ALK: variants seen among roughly 807,000 people sequenced by gnomAD.
ALK encodes ALK receptor tyrosine kinase.
A neutral mutation model predicts 163.1 loss-of-function variants in ALK; 74 were observed. That is an observed-to-expected ratio of 0.45 (90% CI 0.38 to 0.55). ALK has a LOEUF of 0.55. ALK is among the 20% of genes least tolerant of loss of function. The pLI, the probability that ALK is intolerant of heterozygous loss-of-function variation, is 0.00. For missense variants in ALK, 2,063 were observed against 2,105.3 expected, an observed-to-expected ratio of 0.98 and a Z score of 0.39; for synonymous variants, 960 against 843.2, an observed-to-expected ratio of 1.14 and a Z score of -2.40.
intron 2 of ALK, among the ~76,000 whole-genome samples, chr2:29,710,972 A>G (rs1335300415): frequency 6.6e-6 from 1 of 152,102 alleles, no homozygotes; most frequent in Non-Finnish European, 1.5e-5. Context: ...TCCTCCCTCT[A>G]GATGTCTTGG....
chr2:29,791,866 C>T (rs1421257604), intron 1 of ALK, among the ~76,000 whole-genome samples: 1 of 152,110 alleles, frequency 6.6e-6, no homozygotes, highest in Non-Finnish European at 1.5e-5. Context: ...GAATTTGAAA[C>T]ATTGCATTTC....
chr2:29,576,723 C>T (rs761790695), intron 3 of ALK, among the ~76,000 whole-genome samples: 8 of 152,172 alleles, frequency 5.3e-5, no homozygotes, highest in Non-Finnish European at 7.3e-5. Context: ...ACCGCCTGAG[C>T]TCCACCTCCT....
intron 3 of ALK, among the ~76,000 whole-genome samples, chr2:29,636,094 G>A (rs1216472979): frequency 6.6e-6 from 1 of 152,176 alleles, no homozygotes; most frequent in East Asian, 1.9e-4. Flanking sequence ...AATAAAGTGG[G>A]AAGAATTGCT....
chr2:29,545,881 G>A (rs1023467708), intron 3 of ALK, among the ~76,000 whole-genome samples: 4 of 152,118 alleles, frequency 2.6e-5, no homozygotes, highest in Admixed American at 2.6e-4. Flanking sequence ...GTTAGTTGTA[G>A]CCTAGAAGTA....
At chr2:29,376,080 A>G (rs1447324848) in intron 5 of ALK, among the ~76,000 whole-genome samples, 3 of 152,060 alleles carry the variant, frequency 2.0e-5, no homozygotes, top group Non-Finnish European at 2.9e-5. Context: ...GTCAGCCCCA[A>G]GATAACCTCT....
intron 1 of ALK, among the ~76,000 whole-genome samples, chr2:29,863,301 C>A (rs957607021): frequency 1.3e-5 from 2 of 152,118 alleles, no homozygotes; most frequent in African/African-American, 2.4e-5. Flanking sequence ...TGCTTCTACA[C>A]AGTGAAAGAA....
chr2:29,652,953 A>G (rs896550056), intron 3 of ALK, among the ~76,000 whole-genome samples: 1 of 152,110 alleles, frequency 6.6e-6, no homozygotes, highest in Non-Finnish European at 1.5e-5. Flanking sequence ...AATTAATCAA[A>G]CCCAAAGTGG....
chr2:29,464,171 C>T (rs903617629), intron 4 of ALK, among the ~76,000 whole-genome samples: 1 of 152,024 alleles, frequency 6.6e-6, no homozygotes, highest in African/African-American at 2.4e-5. Context: ...CAAAAGTTAC[C>T]AGGCATTCAA....
intron 12 of ALK, among the ~76,000 whole-genome samples, chr2:29,250,698 G>A (rs1664793354): frequency 6.6e-6 from 1 of 152,232 alleles, no homozygotes; most frequent in Non-Finnish European, 1.5e-5. Flanking sequence ...GAAGGCCCAG[G>A]AAAGGAGGCG....
chr2:29,691,003 T>C (rs541350390), intron 3 of ALK, among the ~76,000 whole-genome samples: 10 of 152,296 alleles, frequency 6.6e-5, no homozygotes, highest in Admixed American at 4.6e-4. Context: ...GATTGGAATA[T>C]AGGACACTGC....
intron 1 of ALK, among the ~76,000 whole-genome samples, chr2:29,815,190 GTTCTTAGGCT>G (rs1424867776): frequency 5.3e-5 from 8 of 151,598 alleles, no homozygotes; most frequent in African/African-American, 9.7e-5. Flanking sequence ...CATTGGATAA[GTTCTTAGGCT>G]TTCTTAGGCT....
At chr2:29,717,753 C>G (rs1037684854) in intron 1 of ALK, 56 bp from the exon 2 acceptor site, 11 of 1,611,952 alleles carry the variant, frequency 6.8e-6, no homozygotes, top group Non-Finnish European at 8.5e-6. Context: ...TGTCTTTTAG[C>G]TGTCACTCAA....
At chr2:29,873,237 T>C (rs1666621646) in intron 1 of ALK, among the ~76,000 whole-genome samples, 1 of 152,190 alleles carries the variant, frequency 6.6e-6, no homozygotes, top group Non-Finnish European at 1.5e-5. Context: ...TGATAAAAAG[T>C]CTAGAATTTG....
chr2:29,629,728 A>G (rs1305233963), intron 3 of ALK, among the ~76,000 whole-genome samples: 1 of 152,158 alleles, frequency 6.6e-6, no homozygotes, highest in Non-Finnish European at 1.5e-5. Flanking sequence ...AGCCCTTTAT[A>G]TACATGATCT....
chr2:29,881,982 T>G (rs1484807903), intron 1 of ALK, among the ~76,000 whole-genome samples: 1 of 152,112 alleles, frequency 6.6e-6, no homozygotes, highest in East Asian at 1.9e-4. Flanking sequence ...GGCTCTGCCC[T>G]TCTGATCTGA....
At chr2:29,661,359 C>A (rs1304242033) in intron 3 of ALK, among the ~76,000 whole-genome samples, 2 of 152,118 alleles carry the variant, frequency 1.3e-5, no homozygotes, top group Non-Finnish European at 2.9e-5. Context: ...ATGAGAGAGG[C>A]ATTGCCATTT....
rs190866849 is a variant in ALK at position 29,452,290 on chromosome 2, G to C, written c.1155-68431C>G. 1.8e-3 allele frequency among the ~76,000 whole-genome samples: 278 copies of C among 151,638 alleles called. 1 individual carries two copies. Among genetic ancestry groups the C allele is most frequent in the African/African-American group, 6.2e-3 (257 of 41,324 alleles). Reference sequence around the variant, plus strand: ...CAAGGCTTTTGCTGTTGTATGCTTTGCCTAGAGTGTGTTTCTCTTAGATCT... The same window carrying C: ...CAAGGCTTTTGCTGTTGTATGCTTTCCCTAGAGTGTGTTTCTCTTAGATCT... On this transcript the variant is annotated intron_variant, in intron 4 of 28. Transcript: ENST00000389048.
chr2:29,304,507 A>G (rs959883369), intron 8 of ALK, among the ~76,000 whole-genome samples: 2 of 151,534 alleles, frequency 1.3e-5, no homozygotes, highest in African/African-American at 2.4e-5. Context: ...AAAAAAAAAA[A>G]AAAAGAAAAG....
intron 3 of ALK, among the ~76,000 whole-genome samples, chr2:29,611,647 C>T (rs1675694892): frequency 1.3e-5 from 2 of 152,268 alleles, no homozygotes; most frequent in Admixed American, 6.5e-5. Context: ...GGGGGAGGGG[C>T]CTAGTGGGAG....
Sources: allele counts gnomAD v4.1 joint callset (sites outside exome capture counted in the v4.1 genomes callset), GRCh38; gene constraint gnomAD v4.1.1; transcripts MANE v1.5; gene names NCBI Gene and HGNC (gene_info 2026-07-23, HGNC 2026-07-21).